SGIP1: variants seen among roughly 807,000 people sequenced by gnomAD.
SGIP1 encodes SH3GL interacting endocytic adaptor 1.
In SGIP1, 38 loss-of-function variants were observed where a neutral mutation model predicts 107.5. The observed-to-expected ratio is 0.35, with a 90% confidence interval of 0.27 to 0.46. The LOEUF (loss-of-function observed/expected upper bound fraction) is 0.46. Ranked by LOEUF, SGIP1 falls within the 20% of genes least tolerant of loss-of-function variation. The pLI is 1.00. For missense variants in SGIP1, 929 were observed against 1,019.5 expected, an observed-to-expected ratio of 0.91 and a Z score of 1.21; for synonymous variants, 365 against 366.1, an observed-to-expected ratio of 1.00 and a Z score of 0.03.
Position 66,682,490 on chromosome 1 carries a change from T to A in SGIP1, c.1315+121T>A, listed in dbSNP as rs988019935. 6 of 1,242,314 alleles carry A rather than the reference T, an allele frequency of 4.8e-6. No individual in the cohort carries two copies. The African/African-American group carries it at 9.1e-5, about 19-fold the overall frequency. 77.0% of individuals were successfully genotyped at this position (1,242,314 alleles called of 1,614,324 possible). A position where few individuals can be genotyped will look rare whatever the true frequency, so the allele number is the denominator to read the frequency against. Reference sequence around the variant, plus strand: ...AGAGCTTCAGCCCTCACTCCTCTAGTCTGGGTGTCCTGTGGCCCCACAGCA... The same window carrying A: ...AGAGCTTCAGCCCTCACTCCTCTAGACTGGGTGTCCTGTGGCCCCACAGCA... On this transcript the variant is annotated intron_variant, in intron 15 of 24. Coordinates refer to ENST00000371037, the MANE Select transcript of SGIP1 (RefSeq NM_032291.4).
At chr1:66,649,319 C>T (rs1415116359) in intron 7 of SGIP1, among the ~76,000 whole-genome samples, 1 of 152,224 alleles carries the variant, frequency 6.6e-6, no homozygotes, top group African/African-American at 2.4e-5. Context: ...TACATACCCC[C>T]TGAAGGAACT....
chr1:66,607,224 T>C (rs2067019445), intron 1 of SGIP1, among the ~76,000 whole-genome samples: 1 of 152,184 alleles, frequency 6.6e-6, no homozygotes, highest in South Asian at 2.1e-4. Flanking sequence ...TCTCTCATAT[T>C]TCAAAAACGA....
At chr1:66,705,612 C>G (rs1031593169) in intron 18 of SGIP1, among the ~76,000 whole-genome samples, 2 of 152,102 alleles carry the variant, frequency 1.3e-5, no homozygotes, top group African/African-American at 4.8e-5. Flanking sequence ...TTCAGGCAGG[C>G]AAACAATGGC....
chr1:66,736,234 TATAA>T (rs2094231263), intron 21 of SGIP1, among the ~76,000 whole-genome samples: 1 of 140,988 alleles, frequency 7.1e-6, no homozygotes, highest in South Asian at 2.1e-4. Flanking sequence ...ATATTTTAAA[TATAA>T]ATATTTATAC....
At chr1:66,703,188 T>C (rs1273184842) in intron 18 of SGIP1, among the ~76,000 whole-genome samples, 1 of 152,078 alleles carries the variant, frequency 6.6e-6, no homozygotes, top group Non-Finnish European at 1.5e-5. Context: ...GGAGGTGAAA[T>C]AATAAAACTC....
Position 66,743,149 on chromosome 1 carries a change from A to G in SGIP1, c.*54A>G. 1 of 1,591,852 alleles carries G rather than the reference A, an allele frequency of 6.3e-7. No homozygotes were observed. The highest frequency in any genetic ancestry group is 8.6e-7 in the Non-Finnish European group (1 of 1,163,362). ...TCATATAATGGAGAACTGATGTATG[A>G]GAAACAGATTTTAATTTTGGTTTGA... On this transcript the variant is annotated 3_prime_UTR_variant, in exon 25 of 25. Transcript: ENST00000371037.
intron 9 of SGIP1, among the ~76,000 whole-genome samples, chr1:66,668,437 C>A (rs2083069223): frequency 6.6e-6 from 1 of 152,142 alleles, no homozygotes; most frequent in Non-Finnish European, 1.5e-5. Context: ...GATCCACCTG[C>A]CTCGACCTCC....
At chr1:66,542,753 C>A (rs1278037386) in intron 1 of SGIP1, among the ~76,000 whole-genome samples, 1 of 152,080 alleles carries the variant, frequency 6.6e-6, no homozygotes, top group Admixed American at 6.5e-5. Context: ...GAAAATGAAA[C>A]CTTGGATAAG....
chr1:66,717,487 G>A (rs549791993), intron 18 of SGIP1, among the ~76,000 whole-genome samples: 5 of 152,076 alleles, frequency 3.3e-5, no homozygotes, highest in Non-Finnish European at 7.4e-5. Flanking sequence ...TACTGTCAAG[G>A]TCTCATTACA....
chr1:66,708,089 G>A (rs1327058544), intron 18 of SGIP1, among the ~76,000 whole-genome samples: 3 of 152,098 alleles, frequency 2.0e-5, no homozygotes, highest in African/African-American at 7.2e-5. Flanking sequence ...CTTTAACACA[G>A]GGTAGGGTTT....
chr1:66,625,425 G>T (rs1360824006), intron 1 of SGIP1, among the ~76,000 whole-genome samples: 1 of 152,206 alleles, frequency 6.6e-6, no homozygotes, highest in African/African-American at 2.4e-5. Flanking sequence ...GATCTGTGCA[G>T]TTCTCTTGGC....
At chr1:66,622,859 T>C (rs949012160) in intron 1 of SGIP1, among the ~76,000 whole-genome samples, 1 of 152,184 alleles carries the variant, frequency 6.6e-6, no homozygotes, top group Non-Finnish European at 1.5e-5. Context: ...AAAAAATAGT[T>C]GACAAAAAAA....
At chr1:66,659,733 G>T (rs1056743867) in intron 7 of SGIP1, among the ~76,000 whole-genome samples, 1 of 151,242 alleles carries the variant, frequency 6.6e-6, no homozygotes, top group African/African-American at 2.4e-5. Context: ...AATATAGCAA[G>T]ACCCTATCTT....
chr1:66,626,137 CTTTT>C (rs35959436), intron 2 of SGIP1: 247 of 123,180 alleles, frequency 2.0e-3, no homozygotes, highest in East Asian at 4.1e-3. Flanking sequence ...TTCTTTCTTT[CTTTT>C]TTTTTTTTTT....
At chr1:66,644,990 C>T (rs559438622) in intron 7 of SGIP1, among the ~76,000 whole-genome samples, 11 of 152,314 alleles carry the variant, frequency 7.2e-5, no homozygotes, top group African/African-American at 2.6e-4. Flanking sequence ...TTTAAAAGCA[C>T]ACTCTTTCAC....
At chr1:66,631,195 C>T (rs1248257253) in intron 2 of SGIP1, among the ~76,000 whole-genome samples, 1 of 152,062 alleles carries the variant, frequency 6.6e-6, no homozygotes, top group African/African-American at 2.4e-5. Context: ...TCCTGCTAGC[C>T]TGGGCTTACT....
At position 66,689,214 on chromosome 1, in the gene SGIP1, C is replaced by G; in HGVS notation, c.1382C>G (p.Pro461Arg). 6.2e-7 allele frequency: 1 copy of G among 1,614,006 alleles called. No individual in the cohort carries two copies. The highest frequency in any genetic ancestry group is 8.5e-7 in the Non-Finnish European group (1 of 1,179,926). ...TGCAGAAGTACCACTCCACCTCCAC[C>G]TCCTCCCCGGCCTCCATCCCGGCCA... is the stretch of plus-strand genomic sequence containing the variant. ...VPCRSTTPPP[P>R]PPRPPSRPKL... Residue 461 changes from proline (P) to arginine (R), a missense_variant, in exon 16 of 25, where the codon CCT (proline) becomes CGT (arginine). This residue lies in a region of SGIP1 where 588 missense variants were observed against 588.6 expected (regional missense o/e 1.00). Coordinates refer to ENST00000371037, the MANE Select transcript of SGIP1 (RefSeq NM_032291.4).
intron 18 of SGIP1, among the ~76,000 whole-genome samples, chr1:66,709,659 A>G (rs553447496): frequency 3.3e-5 from 5 of 152,216 alleles, no homozygotes; most frequent in African/African-American, 1.2e-4. Flanking sequence ...CAGCAGGTCA[A>G]TTGGTGCTAC....
At chr1:66,544,737 T>G (rs2055939232) in intron 1 of SGIP1, among the ~76,000 whole-genome samples, 1 of 152,158 alleles carries the variant, frequency 6.6e-6, no homozygotes, top group African/African-American at 2.4e-5. Context: ...GTGATCTACC[T>G]GTGCACCCAC....
Sources: gnomAD v4.1 joint callset for allele counts (sites outside exome capture counted in the v4.1 genomes callset) on GRCh38, gnomAD v4.1.1 for gene constraint, gnomAD v4.1.1 regional missense constraint, MANE v1.5 for transcripts, NCBI Gene and HGNC (gene_info 2026-07-23, HGNC 2026-07-21) for gene names.